Variants in PCDHGB5 observed in about 807,000 individuals in gnomAD.
PCDHGB5 encodes protocadherin gamma-B5.
PCDHGB5 carries 48 observed loss-of-function variants against 62.9 expected under a neutral mutation model. That is an observed-to-expected ratio of 0.76 (90% confidence interval 0.61 to 0.97). The LOEUF is 0.97. Among genes scored for constraint, PCDHGB5 ranks in the 50% least tolerant of loss-of-function variants. PCDHGB5 has a pLI of 0.00. For synonymous variants in PCDHGB5, 474 were observed against 511.2 expected, an observed-to-expected ratio of 0.93 and a Z score of 0.98; for missense variants, 1,118 against 1,198.6, an observed-to-expected ratio of 0.93 and a Z score of 0.99.
intron 1 of PCDHGB5, chr5:141,410,123 C>A: frequency 1.2e-6 from 2 of 1,612,780 alleles, no homozygotes; most frequent in Non-Finnish European, 1.7e-6. Flanking sequence ...AGCCCGCCAG[C>A]GCCTGCTGGT....
chr5:141,404,877 T>A (rs1242099855), intron 1 of PCDHGB5: 2 of 1,613,738 alleles, frequency 1.2e-6, no homozygotes, highest in Non-Finnish European at 1.7e-6. Flanking sequence ...AAACAGAGCC[T>A]TGTGGTGGCT....
At chr5:141,414,646 A>G in intron 1 of PCDHGB5, 2 of 1,613,928 alleles carry the variant, frequency 1.2e-6, no homozygotes, top group Non-Finnish European at 1.7e-6. Context: ...GAATGCCCAG[A>G]TTATTTACTC....
At chr5:141,419,433 T>A (rs1333004780) in intron 1 of PCDHGB5, 6 of 1,613,246 alleles carry the variant, frequency 3.7e-6, no homozygotes, top group Non-Finnish European at 5.1e-6. Flanking sequence ...CACGAGCAGC[T>A]GCGCACCTTC....
intron 2 of PCDHGB5, among the ~76,000 whole-genome samples, chr5:141,503,570 G>T (rs996006002): frequency 3.4e-4 from 50 of 147,216 alleles, no homozygotes; most frequent in African/African-American, 1.2e-3. Context: ...CTGTACTCCA[G>T]CCTGGGTGAC....
At chr5:141,504,381 T>C (rs1039838477) in intron 2 of PCDHGB5, among the ~76,000 whole-genome samples, 4 of 152,130 alleles carry the variant, frequency 2.6e-5, no homozygotes, top group Non-Finnish European at 5.9e-5. Context: ...GTGGAGTCGC[T>C]GCCTCACAGA....
In PCDHGB5 at chr5:141,489,152, A is replaced by C; in HGVS notation, c.2398-5655A>C. The C allele has an allele frequency of 2.1e-6, 2 of 960,350 alleles. No individual in the cohort carries two copies. Among genetic ancestry groups the C allele is most frequent in the Non-Finnish European group, 3.1e-6 (2 of 640,552 alleles). 59.5% of individuals were successfully genotyped at this position (960,350 alleles called of 1,614,324 possible). A position where few individuals can be genotyped will look rare whatever the true frequency, so the allele number is the denominator to read the frequency against. On this transcript the variant is annotated intron_variant, in intron 1 of 3. Transcript: ENST00000617380. This position sits in a 1 kb window ranked among gnomAD's most constrained non-coding sequence, Gnocchi z 4.5. The stretch of plus-strand genomic sequence containing the variant: ...TTTTAAGAGGCTGGAAGGAGACATA[A>C]GAGACTTCAGCTGCTGCATTCCAAG...
At chr5:141,404,524 G>C (rs368795324) in intron 1 of PCDHGB5, 3 of 1,613,938 alleles carry the variant, frequency 1.9e-6, no homozygotes, top group Non-Finnish European at 2.5e-6. Context: ...ACTATGAGCA[G>C]TTTAGAGATT....
intron 1 of PCDHGB5, chr5:141,419,098 G>A (rs993605209): frequency 8.7e-6 from 14 of 1,613,812 alleles, no homozygotes; most frequent in African/African-American, 2.7e-5. Context: ...TGGATCGGGA[G>A]CAGACCCCAG....
Position 141,432,771 on chromosome 5 carries a change from T to G in PCDHGB5, c.2397+32247T>G. The G allele has an allele frequency of 6.2e-7, 1 of 1,614,006 alleles. No homozygotes were observed. The highest frequency in any genetic ancestry group is 8.5e-7 in the Non-Finnish European group (1 of 1,179,966). On this transcript the variant is annotated intron_variant, in intron 1 of 3. Coordinates refer to ENST00000617380, the MANE Select transcript of PCDHGB5 (RefSeq NM_018925.3). This position sits in a 1 kb window ranked among gnomAD's most constrained non-coding sequence, Gnocchi z 6.0. ...GCCGTGGCCGACAGCATCCCCCAAG[T>G]CCTGGCGGACCTCGGCAGCCTCGAG...
chr5:141,450,006 C>CTATTTTTTT (rs70988802), intron 1 of PCDHGB5, among the ~76,000 whole-genome samples: 8 of 132,970 alleles, frequency 6.0e-5, no homozygotes, highest in African/African-American at 8.4e-5. Context: ...TGCCATGTCT[C>CTATTTTTTT]TTTTTTTTTT....
chr5:141,504,541 C>G (rs1050153403), intron 2 of PCDHGB5, among the ~76,000 whole-genome samples: 2 of 151,728 alleles, frequency 1.3e-5, no homozygotes, highest in Non-Finnish European at 2.9e-5. Context: ...GTCATCATGG[C>G]AAATGTTGGG....
intron 1 of PCDHGB5, chr5:141,441,144 T>C (rs141609485): frequency 6.6e-6 from 1 of 152,296 alleles, no homozygotes; most frequent in African/African-American, 2.4e-5. Context: ...TAGAAGATAA[T>C]GACAATATCC....
At chr5:141,475,832 T>G in intron 1 of PCDHGB5, 1 of 410,610 alleles carries the variant, frequency 2.4e-6, no homozygotes, top group Non-Finnish European at 4.4e-6. Flanking sequence ...CTAGCGCGTG[T>G]CCTGCTCAGA....
At chr5:141,471,590 T>C (rs2099260583) in intron 1 of PCDHGB5, 1 of 152,120 alleles carries the variant, frequency 6.6e-6, no homozygotes. Flanking sequence ...AAGTAATTGA[T>C]AGTTTCAAAA....
In PCDHGB5 at chr5:141,487,072, T is replaced by C. The variant is rs754589618; in HGVS notation, c.2398-7735T>C. On this transcript the variant is annotated intron_variant, in intron 1 of 3. Coordinates refer to ENST00000617380, the MANE Select transcript of PCDHGB5 (RefSeq NM_018925.3). This position sits in a 1 kb window ranked among gnomAD's most constrained non-coding sequence, Gnocchi z 5.0. ...CTGGGGAGGTGCGGACGGCTGTTCCTATCCCAGCTGACCTCCCACCACAGA... is the reference window on the plus strand; with the variant it reads ...CTGGGGAGGTGCGGACGGCTGTTCCCATCCCAGCTGACCTCCCACCACAGA... 8.1e-6 allele frequency: 13 copies of C among 1,614,010 alleles called. No homozygotes were observed. Among genetic ancestry groups the C allele is most frequent in the Non-Finnish European group, 1.1e-5 (13 of 1,179,966 alleles).
Position 141,477,161 on chromosome 5 carries a change from G to A in PCDHGB5, c.2398-17646G>A, listed in dbSNP as rs761453939. On this transcript the variant is annotated intron_variant, in intron 1 of 3. Transcript: ENST00000617380. The surrounding 1 kb of genome is among the most constrained non-coding windows in gnomAD (Gnocchi z 4.9). ...GGAGGTTGTGGATGTGAATGACAAC[G>A]CCCCGGAGATCACAGTCACCTCCGT... 1.9e-6 allele frequency: 3 copies of A among 1,613,988 alleles called. No individual in the cohort carries two copies. The highest frequency in any genetic ancestry group is 2.7e-5 in the African/African-American group (2 of 74,904).
At position 141,431,423 on chromosome 5, in the gene PCDHGB5, C is replaced by T; in HGVS notation, c.2397+30899C>T. The T allele has an allele frequency of 3.1e-6, 5 of 1,613,670 alleles. No individual in the cohort carries two copies. Among genetic ancestry groups the T allele is most frequent in the Non-Finnish European group, 4.2e-6 (5 of 1,180,030 alleles). ...GGCCTCCGACGGGGGCGACCCGGTG[C>T]GCACAGGCACCGCGCGCATCCGCGT... On this transcript the variant is annotated intron_variant, in intron 1 of 3. Coordinates refer to ENST00000617380, the MANE Select transcript of PCDHGB5 (RefSeq NM_018925.3). This position sits in a 1 kb window ranked among gnomAD's most constrained non-coding sequence, Gnocchi z 4.8.
intron 1 of PCDHGB5, among the ~76,000 whole-genome samples, chr5:141,438,587 C>CATAT (rs1372372472): frequency 2.7e-5 from 2 of 73,430 alleles, no homozygotes; most frequent in Non-Finnish European, 5.2e-5. Context: ...TACATACATA[C>CATAT]ATACATATAT....
rs527514615 is a variant in PCDHGB5 at position 141,485,941 on chromosome 5, A to G, written c.2398-8866A>G. ...GGATTAGTGTGTTGGAGAGCGCACC[A>G]GCGGGCATGGTGCTCATCCAGCTCA... is the stretch of plus-strand genomic sequence containing the variant. On this transcript the variant is annotated intron_variant, in intron 1 of 3. Coordinates refer to ENST00000617380, the MANE Select transcript of PCDHGB5 (RefSeq NM_018925.3). This position sits in a 1 kb window ranked among gnomAD's most constrained non-coding sequence, Gnocchi z 5.7. The G allele has an allele frequency of 2.5e-6, 4 of 1,614,180 alleles. No homozygotes were observed. The highest frequency in any genetic ancestry group is 2.7e-5 in the African/African-American group (2 of 75,032).
Sources: allele counts gnomAD v4.1 joint callset (sites outside exome capture counted in the v4.1 genomes callset), GRCh38; gene constraint gnomAD v4.1.1; non-coding constraint Gnocchi (gnomAD v3.1); transcripts MANE v1.5; gene names NCBI Gene and HGNC (gene_info 2026-07-23, HGNC 2026-07-21).